Variants in APBA1 observed in about 807,000 individuals in gnomAD.
The protein encoded by APBA1 is amyloid-beta A4 precursor protein-binding family A member 1.
A neutral mutation model predicts 86.6 loss-of-function variants in APBA1; 55 were observed. The observed-to-expected ratio is 0.64, with a 90% confidence interval of 0.51 to 0.80. The LOEUF (loss-of-function observed/expected upper bound fraction) is 0.80, where lower values mean the gene tolerates loss of function less well. Ranked by LOEUF, APBA1 falls within the 30% of genes least tolerant of loss-of-function variation. The probability of loss-of-function intolerance (pLI) is 0.00; values close to 1 mark genes in which losing one functional copy is unlikely to be tolerated. For synonymous variants in APBA1, 511 were observed against 493.9 expected, an observed-to-expected ratio of 1.03 and a Z score of -0.46; for missense variants, 1,090 against 1,183.0, an observed-to-expected ratio of 0.92 and a Z score of 1.15.
At chr9:69,445,929 G>C (rs1034272105) in intron 10 of APBA1, among the ~76,000 whole-genome samples, 1 of 152,162 alleles carries the variant, frequency 6.6e-6, no homozygotes, top group African/African-American at 2.4e-5. Context: ...CCCTATACCT[G>C]CTGAATCAGA....
In APBA1 at chr9:69,516,868, C is replaced by T. The variant is rs761237412; in HGVS notation, c.343G>A (p.Glu115Lys). ...DAERAQDPED[E>K]SAYAVQYRPE... ...CGGTACTGCACAGCATAGGCGCTCT[C>T]GTCCTCGGGGTCCTGCGCGCGCTCC... Residue 115 changes from glutamate to lysine, a missense_variant, in exon 2 of 13, where the codon GAG (glutamate) becomes AAG (lysine). Transcript: ENST00000265381. The surrounding 1 kb of genome is among the most constrained non-coding windows in gnomAD (Gnocchi z 7.3). 13 of 1,597,106 alleles carry T rather than the reference C, an allele frequency of 8.1e-6. No homozygotes were observed. The highest frequency in any genetic ancestry group is 3.4e-6 in the Non-Finnish European group (4 of 1,177,046).
chr9:69,495,622 T>C (rs1309101313), intron 2 of APBA1, among the ~76,000 whole-genome samples: 1 of 152,112 alleles, frequency 6.6e-6, no homozygotes, highest in African/African-American at 2.4e-5. Flanking sequence ...CAGCAGCTGA[T>C]GTTTCTGAGA....
At position 69,510,603 on chromosome 9, in the gene APBA1, C is replaced by T. The variant is rs1188318950; in HGVS notation, c.1200+5408G>A. On this transcript the variant is annotated intron_variant, in intron 2 of 12. Coordinates refer to ENST00000265381, the MANE Select transcript of APBA1 (RefSeq NM_001163.4). ...GTTCATATGGAACCAAAAAAGAGCC[C>T]GCATCGCCAAGGCAATCCTAAGCCA... Among the ~76,000 whole-genome samples the T allele has an allele frequency of 7.5e-4, 104 of 139,578 alleles. 2 individuals carry two copies. The highest frequency in any genetic ancestry group is 2.8e-3 in the African/African-American group (98 of 34,478). The allele number at this position is 139,578 out of a possible 152,430, so 91.6% of individuals were successfully genotyped here.
chr9:69,650,045 C>A (rs919823498), intron 1 of APBA1, among the ~76,000 whole-genome samples: 6 of 152,196 alleles, frequency 3.9e-5, no homozygotes, highest in African/African-American at 1.2e-4. Context: ...CCTCCTCCCC[C>A]ATGAATAAAC....
chr9:69,454,371 T>C (rs913525618), intron 8 of APBA1, among the ~76,000 whole-genome samples: 1 of 152,198 alleles, frequency 6.6e-6, no homozygotes, highest in African/African-American at 2.4e-5. Flanking sequence ...CTGATCATCA[T>C]TAGTGGATGC....
intron 2 of APBA1, among the ~76,000 whole-genome samples, chr9:69,504,257 T>C (rs1835919880): frequency 6.6e-6 from 1 of 152,102 alleles, no homozygotes; most frequent in Admixed American, 6.5e-5. Context: ...GAAGTTCATG[T>C]GTTCTTTGGC....
At chr9:69,634,896 G>A (rs1823124866) in intron 1 of APBA1, among the ~76,000 whole-genome samples, 2 of 152,124 alleles carry the variant, frequency 1.3e-5, no homozygotes, top group South Asian at 4.1e-4. Flanking sequence ...AAACATGAGG[G>A]AGAAATAAAG....
intron 1 of APBA1, among the ~76,000 whole-genome samples, chr9:69,545,562 G>C (rs1305620168): frequency 1.3e-5 from 2 of 152,216 alleles, no homozygotes; most frequent in Admixed American, 1.3e-4. Flanking sequence ...CTTGCAGATA[G>C]TCATAAAGCG....
At chr9:69,630,293 T>G (rs1402389994) in intron 1 of APBA1, among the ~76,000 whole-genome samples, 1 of 152,114 alleles carries the variant, frequency 6.6e-6, no homozygotes, top group African/African-American at 2.4e-5. Flanking sequence ...GCCAGCAACA[T>G]GGGCAGGGAC....
intron 1 of APBA1, among the ~76,000 whole-genome samples, chr9:69,640,515 T>A (rs1211196138): frequency 6.6e-6 from 1 of 151,972 alleles, no homozygotes; most frequent in Non-Finnish European, 1.5e-5. Context: ...GACTCTGTAA[T>A]ATTAATAATT....
chr9:69,498,730 T>C (rs564687484), intron 2 of APBA1, among the ~76,000 whole-genome samples: 29 of 152,252 alleles, frequency 1.9e-4, no homozygotes, highest in Admixed American at 3.9e-4. Flanking sequence ...AGATGCACTT[T>C]CAACTTTTGA....
chr9:69,520,683 C>T lies in APBA1; in HGVS notation c.-69-3404G>A, dbSNP rs1048483713. 5.3e-5 allele frequency among the ~76,000 whole-genome samples: 8 copies of T among 152,186 alleles called. No individual in the cohort carries two copies. The South Asian group carries it at 8.3e-4, about 16-fold the overall frequency. On this transcript the variant is annotated intron_variant, in intron 1 of 12. Coordinates refer to ENST00000265381, the MANE Select transcript of APBA1 (RefSeq NM_001163.4). ...CCTCCTCACCTTCCCTACCCACCCT[C>T]GCTCTCAAACTGGGTTCCCTCCTGT...
At chr9:69,484,406 G>A (rs116615293) in intron 2 of APBA1, among the ~76,000 whole-genome samples, 6,890 of 152,200 alleles carry the variant, frequency 0.045, 543 homozygotes, top group African/African-American at 0.16. Context: ...CCCTTGCAGA[G>A]GCTCTGGCTG....
At chr9:69,476,243 ATCG>A (rs1835444596) in intron 2 of APBA1, 100 bp from the exon 3 acceptor site, 2 of 795,806 alleles carry the variant, frequency 2.5e-6, no homozygotes, top group Non-Finnish European at 4.1e-6. Flanking sequence ...GCAGAACACA[ATCG>A]AACAGACACT....
chr9:69,515,379 T>G (rs1836119943), intron 2 of APBA1, among the ~76,000 whole-genome samples: 1 of 152,068 alleles, frequency 6.6e-6, no homozygotes, highest in South Asian at 2.1e-4. Flanking sequence ...GGAAACATTC[T>G]CTGATCCACA....
chr9:69,668,722 C>T (rs1052845674), intron 1 of APBA1, among the ~76,000 whole-genome samples: 1 of 152,218 alleles, frequency 6.6e-6, no homozygotes, highest in Admixed American at 6.5e-5. Context: ...CATCTCTTGG[C>T]ATTCCTAGCG....
At position 69,589,231 on chromosome 9, in the gene APBA1, T is replaced by C. The variant is rs548489628; in HGVS notation, c.-69-71952A>G. Reference sequence around the variant, plus strand: ...TTGGCCTCCCAAAGTGCTGGGACTATAGGCATGAGCCACTGCTCCCGGTGT... The same window carrying C: ...TTGGCCTCCCAAAGTGCTGGGACTACAGGCATGAGCCACTGCTCCCGGTGT... On this transcript the variant is annotated intron_variant, in intron 1 of 12. Transcript: ENST00000265381. Among the ~76,000 whole-genome samples, 52 of 152,274 alleles carry C rather than the reference T, an allele frequency of 3.4e-4. No individual in the cohort carries two copies. In the Middle Eastern group the frequency reaches 0.014, roughly 40 times the overall value.
At chr9:69,435,139 G>A (rs1834682702) in intron 11 of APBA1, among the ~76,000 whole-genome samples, 1 of 151,638 alleles carries the variant, frequency 6.6e-6, no homozygotes, top group South Asian at 2.1e-4. Flanking sequence ...CTTTTTTATG[G>A]CTGCATAGTA....
At chr9:69,517,981 G>T (rs1420431580) in intron 1 of APBA1, among the ~76,000 whole-genome samples, 1 of 152,180 alleles carries the variant, frequency 6.6e-6, no homozygotes, top group East Asian at 1.9e-4. Context: ...GAAGATGCAG[G>T]ACACAGGGTT....
Sources: gnomAD v4.1 joint callset for allele counts (sites outside exome capture counted in the v4.1 genomes callset) on GRCh38, gnomAD v4.1.1 for gene constraint, Gnocchi (gnomAD v3.1) non-coding constraint, MANE v1.5 for transcripts, NCBI Gene and HGNC (gene_info 2026-07-23, HGNC 2026-07-21) for gene names.